The following ZC3HC1 variants were observed in gnomAD, a reference collection of about 807,000 sequenced individuals.
ZC3HC1 encodes zinc finger C3HC-type containing 1.
A neutral mutation model predicts 61.9 loss-of-function variants in ZC3HC1; 38 were observed. The ratio of observed to expected loss-of-function variants is 0.61; its 90% CI spans 0.47 to 0.81. ZC3HC1 has a LOEUF of 0.81. Among genes scored for constraint, ZC3HC1 ranks in the 30% least tolerant of loss-of-function variants. The pLI, the probability that ZC3HC1 is intolerant of heterozygous loss-of-function variation, is 0.00. For missense variants in ZC3HC1, 554 were observed against 622.7 expected, an observed-to-expected ratio of 0.89 and a Z score of 1.17; for synonymous variants, 213 against 229.9, an observed-to-expected ratio of 0.93 and a Z score of 0.67.
chr7:130,043,179 A>G (rs189356655), intron 2 of ZC3HC1, among the ~76,000 whole-genome samples: 87 of 152,160 alleles, frequency 5.7e-4, no homozygotes, highest in Middle Eastern at 3.4e-3. Context: ...GGGGAGGCTG[A>G]GGCAGGAGAC....
intron 4 of ZC3HC1, among the ~76,000 whole-genome samples, chr7:130,033,439 A>G (rs1458194928): frequency 1.5e-5 from 2 of 133,904 alleles, no homozygotes; most frequent in Non-Finnish European, 3.1e-5. Context: ...GCATTTCTAT[A>G]GCATTCTTTT....
chr7:130,051,159 C>T, intron 1 of ZC3HC1, 62 bp downstream of exon 1: 1 of 1,540,850 alleles, frequency 6.5e-7, no homozygotes, highest in Non-Finnish European at 8.7e-7. Flanking sequence ...CAACCCGCCA[C>T]CCCTTCCCCA....
At chr7:130,039,323 A>T in intron 4 of ZC3HC1, 141 bp downstream of exon 4, 1 of 722,138 alleles carries the variant, frequency 1.4e-6, no homozygotes, top group Non-Finnish European at 2.3e-6. Flanking sequence ...CAGCCTGGGC[A>T]ACAAGAGTGA....
rs1330699913 is a variant in ZC3HC1, at chr7:130,024,348, G to C, written c.935C>G (p.Pro312Arg). Residue 312 changes from proline to arginine, a missense_variant, in exon 7 of 10, where the codon CCA (proline) becomes CGA (arginine). Physicochemically the swap from Pro to Arg is moderately radical, Grantham distance 103. Transcript: ENST00000358303. ...TTCAGGCACCAGAGGTAAGCGCTCT[G>C]GTCGCCCCTCAAGGCCTGGGATTGG... ...SSPIPGLEGR[P>R]ERLPLVPESP... The C allele has an allele frequency of 6.2e-7, 1 of 1,613,954 alleles. No homozygotes were observed. The highest frequency in any genetic ancestry group is 1.3e-5 in the African/African-American group (1 of 74,900).
intron 4 of ZC3HC1, among the ~76,000 whole-genome samples, chr7:130,032,063 A>C (rs1329666644): frequency 1.3e-5 from 2 of 152,162 alleles, no homozygotes; most frequent in South Asian, 2.1e-4. Flanking sequence ...GTCTCTACTA[A>C]AAATACAAAA....
Position 130,051,322 on chromosome 7 carries a change from T to C in ZC3HC1, c.45A>G (p.Glu15=), listed in dbSNP as rs1296959207. 2 of 1,613,314 alleles carry C rather than the reference T, an allele frequency of 1.2e-6. No individual in the cohort carries two copies. Among genetic ancestry groups the C allele is most frequent in the African/African-American group, 1.3e-5 (1 of 75,014 alleles). Reference sequence around the variant, plus strand: ...AGCGAACTACTGCACCCCAATTCTTTTCAACCCCTACGGCAAACGCTTGTC... The same window carrying C: ...AGCGAACTACTGCACCCCAATTCTTCTCAACCCCTACGGCAAACGCTTGTC... ...CEGQAFAVGV[E]KNWGAVVRSP... The change falls in exon 1 of 10, where the codon GAA becomes GAG. Residue 15 remains glutamate, a synonymous_variant. Coordinates refer to ENST00000358303, the MANE Select transcript of ZC3HC1 (RefSeq NM_016478.5).
chr7:130,030,480 G>GTT (rs1009940524), intron 4 of ZC3HC1, among the ~76,000 whole-genome samples: 1 of 152,090 alleles, frequency 6.6e-6, no homozygotes, highest in African/African-American at 2.4e-5. Context: ...GATTACAGGC[G>GTT]TAAGTCACCA....
rs771608026 is a variant in ZC3HC1 at position 130,023,469 on chromosome 7, G to A, written c.1233+42C>T. On this transcript the variant is annotated intron_variant, in intron 8 of 9. Coordinates refer to ENST00000358303, the MANE Select transcript of ZC3HC1 (RefSeq NM_016478.5). This position sits in a 1 kb window ranked among gnomAD's most constrained non-coding sequence, Gnocchi z 4.2. The stretch of plus-strand genomic sequence containing the variant: ...ATGCTGCCTAGGGAGGGCCCAATAT[G>A]CTGTTTATGCTCAGCCACTGCTACA... 6 of 1,596,084 alleles carry A rather than the reference G, an allele frequency of 3.8e-6. No individual in the cohort carries two copies. The East Asian group carries it at 6.7e-5, about 18-fold the overall frequency.
rs1419847786 is a variant in ZC3HC1 at position 130,039,482 on chromosome 7, G to A, written c.475C>T (p.Pro159Ser). Residue 159 changes from proline (P) to serine (S), a missense_variant, in exon 4 of 10, where the codon CCA becomes TCA. Coordinates refer to ENST00000358303, the MANE Select transcript of ZC3HC1 (RefSeq NM_016478.5). Reference sequence around the variant, plus strand: ...TAAGTACCTGGGGATGGGCTGTCTGGCCAGAAACAGAACTTCTCATGGGCA... The same window carrying A: ...TAAGTACCTGGGGATGGGCTGTCTGACCAGAAACAGAACTTCTCATGGGCA... ...CTAHEKFCFW[P>S]DSPSPDRFGM... The A allele has an allele frequency of 1.2e-6, 2 of 1,612,116 alleles. No individual in the cohort carries two copies. The highest frequency in any genetic ancestry group is 1.7e-6 in the Non-Finnish European group (2 of 1,179,452).
At chr7:130,031,719 C>A (rs1255514302) in intron 4 of ZC3HC1, among the ~76,000 whole-genome samples, 2 of 152,050 alleles carry the variant, frequency 1.3e-5, no homozygotes, top group Non-Finnish European at 2.9e-5. Context: ...ATACACATGC[C>A]CAGCAAAGAC....
rs1794637793 is a variant in ZC3HC1 at position 130,041,005 on chromosome 7, T to G, written c.355A>C (p.Ser119Arg). 4.3e-6 allele frequency: 7 copies of G among 1,614,002 alleles called. 1 individual carries two copies. Among genetic ancestry groups the G allele is most frequent in the Non-Finnish European group, 5.1e-6 (6 of 1,180,014 alleles). Reference sequence around the variant, plus strand: ...CTGGCACAGAGAAAAGCTTGACAGCTAGAGCACTTGAGCATATCACATTCC... The same window carrying G: ...CTGGCACAGAGAAAAGCTTGACAGCGAGAGCACTTGAGCATATCACATTCC... Reference protein sequence around the residue: ...TVECDMLKCSSCQAFLCASLQ... With the variant: ...TVECDMLKCSRCQAFLCASLQ... The change falls in exon 3 of 10, where the codon AGC becomes CGC. Residue 119 changes from serine to arginine, a missense_variant. Coordinates refer to ENST00000358303, the MANE Select transcript of ZC3HC1 (RefSeq NM_016478.5).
chr7:130,027,636 G>A (rs186376474), intron 5 of ZC3HC1, among the ~76,000 whole-genome samples: 20 of 152,168 alleles, frequency 1.3e-4, no homozygotes, highest in Admixed American at 2.6e-4. Flanking sequence ...TCCTGCCTCA[G>A]CCTCCCAGGT....
intron 2 of ZC3HC1, among the ~76,000 whole-genome samples, chr7:130,042,101 A>G (rs960557798): frequency 6.6e-6 from 1 of 152,036 alleles, no homozygotes; most frequent in Admixed American, 6.6e-5. Context: ...TCAGGAGTTG[A>G]AGATCAGCCT....
At chr7:130,025,870 C>CAAAAAAAAAAAA (rs71175064) in intron 6 of ZC3HC1, among the ~76,000 whole-genome samples, 1 of 58,580 alleles carries the variant, frequency 1.7e-5, no homozygotes, top group African/African-American at 7.7e-5. Flanking sequence ...GACTCCGTCT[C>CAAAAAAAAAAAA]AAAAAAAAAA....
In ZC3HC1 at chr7:130,025,332, T is replaced by C. The variant is rs368593424; in HGVS notation, c.776+826A>G. 3.1e-4 allele frequency among the ~76,000 whole-genome samples: 47 copies of C among 151,176 alleles called. No individual in the cohort carries two copies. In the East Asian group the frequency reaches 5.9e-3, roughly 19 times the overall value. On this transcript the variant is annotated intron_variant, in intron 6 of 9. Coordinates refer to ENST00000358303, the MANE Select transcript of ZC3HC1 (RefSeq NM_016478.5). ...AGAACCAATCTTGATGTATTTTAAA[T>C]ATGCTCTCTTTGGTAGATTAAGGAT...
intron 9 of ZC3HC1, among the ~76,000 whole-genome samples, chr7:130,019,340 C>T (rs932867186): frequency 1.3e-5 from 2 of 152,132 alleles, no homozygotes; most frequent in Non-Finnish European, 2.9e-5. Context: ...TGAGCCACCA[C>T]GCCCGGCCTG....
intron 2 of ZC3HC1, among the ~76,000 whole-genome samples, chr7:130,045,163 G>A (rs1045801854): frequency 6.6e-6 from 1 of 152,180 alleles, no homozygotes; most frequent in African/African-American, 2.4e-5. Context: ...GTAGGACAAA[G>A]TCCTTGTTTG....
At chr7:130,024,923 G>A (rs1330077903) in intron 6 of ZC3HC1, among the ~76,000 whole-genome samples, 1 of 58,080 alleles carries the variant, frequency 1.7e-5, no homozygotes, top group Non-Finnish European at 3.2e-5. Flanking sequence ...TTTTTTTTTT[G>A]AGTCAGAGTT....
chr7:130,039,461 T>A lies in ZC3HC1; in HGVS notation c.493+3A>T. On this transcript the variant is annotated splice_donor_region_variant and intron_variant, in intron 4 of 9. Transcript: ENST00000358303. ...GTGAACAGGAATTCTCAAAAATAAG[T>A]ACCTGGGGATGGGCTGTCTGGCCAG... 2 of 1,608,762 alleles carry A rather than the reference T, an allele frequency of 1.2e-6. No individual in the cohort carries two copies. Among genetic ancestry groups the A allele is most frequent in the Non-Finnish European group, 1.7e-6 (2 of 1,178,226 alleles).
Sources: gnomAD v4.1 joint callset for allele counts (sites outside exome capture counted in the v4.1 genomes callset) on GRCh38, gnomAD v4.1.1 for gene constraint, Gnocchi (gnomAD v3.1) non-coding constraint, MANE v1.5 for transcripts, NCBI Gene and HGNC (gene_info 2026-07-23, HGNC 2026-07-21) for gene names.